The following SUSD5 variants were observed in gnomAD, a reference collection of about 807,000 sequenced individuals.
SUSD5 encodes the protein sushi domain-containing protein 5.
SUSD5 carries 33 observed loss-of-function variants against 29.5 expected under a neutral mutation model. The observed-to-expected ratio is 1.12, with a 90% confidence interval of 0.85 to 1.49. SUSD5 has a LOEUF of 1.49. Ranked by LOEUF, SUSD5 falls within the 40% of genes most tolerant of loss-of-function variation. The probability of loss-of-function intolerance (pLI) is 0.00; values close to 1 mark genes in which losing one functional copy is unlikely to be tolerated. For missense variants in SUSD5, 776 were observed against 800.6 expected, an observed-to-expected ratio of 0.97 and a Z score of 0.37; for synonymous variants, 308 against 325.3, an observed-to-expected ratio of 0.95 and a Z score of 0.57.
intron 4 of SUSD5, among the ~76,000 whole-genome samples, chr3:33,163,045 A>AC (rs1471052021): frequency 6.6e-6 from 1 of 151,990 alleles, no homozygotes; most frequent in African/African-American, 2.4e-5. Context: ...CATTAACAAA[A>AC]CTGAATCTCT....
At position 33,151,869 on chromosome 3, in the gene SUSD5, C is replaced by T. The variant is rs2030905344; in HGVS notation, c.*873G>A. 1 of 152,124 alleles carries T rather than the reference C, an allele frequency of 6.6e-6. No homozygotes were observed. The highest frequency in any genetic ancestry group is 2.4e-5 in the African/African-American group (1 of 41,408). The allele number at this position is 152,124 out of a possible 1,614,324, so 9.4% of individuals were successfully genotyped here. A position where few individuals can be genotyped will look rare whatever the true frequency, so the allele number is the denominator to read the frequency against. ...GTGTTTCTTCACTCCTCAACTCCCC[C>T]AACAAAATGTCAGTCTTAAATTCTA... On this transcript the variant is annotated 3_prime_UTR_variant, in exon 5 of 5. Coordinates refer to ENST00000309558, the MANE Select transcript of SUSD5 (RefSeq NM_015551.2).
intron 3 of SUSD5, among the ~76,000 whole-genome samples, chr3:33,203,653 C>T (rs979565439): frequency 1.5e-4 from 23 of 152,326 alleles, no homozygotes; most frequent in Admixed American, 6.5e-4. Flanking sequence ...ACTCAGCTCA[C>T]GCATGGGCAT....
intron 2 of SUSD5, among the ~76,000 whole-genome samples, chr3:33,213,258 T>C (rs1004672516): frequency 6.6e-6 from 1 of 151,846 alleles, no homozygotes; most frequent in African/African-American, 2.4e-5. Flanking sequence ...AAAAAAAAAT[T>C]AGCCAGGTGT....
At chr3:33,172,830 T>C (rs1439078737) in intron 4 of SUSD5, among the ~76,000 whole-genome samples, 1 of 152,256 alleles carries the variant, frequency 6.6e-6, no homozygotes, top group Non-Finnish European at 1.5e-5. Flanking sequence ...ATCTATTTTA[T>C]TTTATATTAA....
At chr3:33,210,452 T>G (rs2032302654) in intron 2 of SUSD5, among the ~76,000 whole-genome samples, 2 of 152,254 alleles carry the variant, frequency 1.3e-5, no homozygotes, top group Admixed American at 6.5e-5. Flanking sequence ...ATTCAGCTTT[T>G]TAGCCACACT....
intron 1 of SUSD5, among the ~76,000 whole-genome samples, chr3:33,214,359 G>A (rs767817741): frequency 3.2e-5 from 4 of 126,106 alleles, no homozygotes; most frequent in Non-Finnish European, 4.6e-5. Context: ...CTGGCATGTC[G>A]ATCTGGAAAA....
At chr3:33,155,047 T>C (rs775839699) in intron 4 of SUSD5, among the ~76,000 whole-genome samples, 20 of 152,234 alleles carry the variant, frequency 1.3e-4, no homozygotes, top group Non-Finnish European at 2.2e-4. Context: ...GCATTACCTT[T>C]TAAGGCTGTG....
At position 33,167,235 on chromosome 3, in the gene SUSD5, T is replaced by C. The variant is rs187034868; in HGVS notation, c.598+7651A>G. On this transcript the variant is annotated intron_variant, in intron 4 of 4. Coordinates refer to ENST00000309558, the MANE Select transcript of SUSD5 (RefSeq NM_015551.2). This position sits in a 1 kb window ranked among gnomAD's most constrained non-coding sequence, Gnocchi z 4.1. ...ATAAAACATAAAGTCAAAAGGCACC[T>C]GGAACACAGGCAGAAGATGAGTATG... 4.0e-5 allele frequency among the ~76,000 whole-genome samples: 6 copies of C among 151,880 alleles called. No individual in the cohort carries two copies. Among genetic ancestry groups the C allele is most frequent in the Non-Finnish European group, 8.8e-5 (6 of 67,976 alleles).
chr3:33,169,721 C>T (rs1331758541), intron 4 of SUSD5, among the ~76,000 whole-genome samples: 1 of 152,128 alleles, frequency 6.6e-6, no homozygotes, highest in Non-Finnish European at 1.5e-5. Context: ...AAGGGAAAAA[C>T]AAAAGCTGTA....
chr3:33,203,380 T>G (rs1250107109), intron 3 of SUSD5, among the ~76,000 whole-genome samples: 4 of 152,196 alleles, frequency 2.6e-5, no homozygotes, highest in African/African-American at 9.6e-5. Context: ...TCCTGCATCC[T>G]CTTCATGGCT....
intron 4 of SUSD5, among the ~76,000 whole-genome samples, chr3:33,163,793 C>T (rs927759947): frequency 1.3e-5 from 2 of 151,998 alleles, no homozygotes; most frequent in Non-Finnish European, 2.9e-5. Flanking sequence ...GTCAGGAGAT[C>T]GAGACCATCC....
chr3:33,204,628 T>TTTTGG lies in SUSD5; in HGVS notation c.409+3179_409+3180insCCAAA, dbSNP rs1046710618. On this transcript the variant is annotated intron_variant, in intron 3 of 4. Transcript: ENST00000309558. This position sits in a 1 kb window ranked among gnomAD's most constrained non-coding sequence, Gnocchi z 4.5. The stretch of plus-strand genomic sequence containing the variant: ...GAGCCACCACACCCGGCCTGTTTTA[T>TTTTGG]TTTGTTTTGTTTTGTTTTGTTTTGT... 8.9e-4 allele frequency among the ~76,000 whole-genome samples: 3 copies of TTTTGG among 3,388 alleles called. No homozygotes were observed. Among genetic ancestry groups the TTTTGG allele is most frequent in the African/African-American group, 3.0e-3 (3 of 990 alleles). 2.2% of individuals were successfully genotyped at this position (3,388 alleles called of 152,430 possible). A position where few individuals can be genotyped will look rare whatever the true frequency, so the allele number is the denominator to read the frequency against.
chr3:33,162,665 G>A (rs2031215565), intron 4 of SUSD5, among the ~76,000 whole-genome samples: 1 of 152,134 alleles, frequency 6.6e-6, no homozygotes, highest in South Asian at 2.1e-4. Context: ...TTATATCCAG[G>A]AAGCTGGCTG....
intron 1 of SUSD5, among the ~76,000 whole-genome samples, chr3:33,215,612 C>A (rs902492808): frequency 6.6e-6 from 1 of 151,906 alleles, no homozygotes; most frequent in South Asian, 2.1e-4. Context: ...AGTATTAATG[C>A]TTGTCCGAGA....
At chr3:33,160,478 C>T (rs1472180785) in intron 4 of SUSD5, among the ~76,000 whole-genome samples, 1 of 152,076 alleles carries the variant, frequency 6.6e-6, no homozygotes, top group African/African-American at 2.4e-5. Context: ...TCACTTGAGC[C>T]CAGGAGATTG....
chr3:33,192,360 TG>T (rs1409104280), intron 3 of SUSD5, among the ~76,000 whole-genome samples: 2 of 151,390 alleles, frequency 1.3e-5, no homozygotes, highest in Non-Finnish European at 2.9e-5. Flanking sequence ...CCCAAAGTGC[TG>T]GGATTACAGG....
At chr3:33,184,534 C>G (rs1428906354) in intron 3 of SUSD5, among the ~76,000 whole-genome samples, 1 of 152,102 alleles carries the variant, frequency 6.6e-6, no homozygotes, top group Non-Finnish European at 1.5e-5. Flanking sequence ...TCTTCCTTCT[C>G]CTTCTGATAC....
chr3:33,215,384 C>A (rs760812442), intron 1 of SUSD5, among the ~76,000 whole-genome samples: 27 of 151,990 alleles, frequency 1.8e-4, no homozygotes, highest in Non-Finnish European at 3.2e-4. Flanking sequence ...AGCTATAAAG[C>A]AAATCTAAAA....
At position 33,174,910 on chromosome 3, in the gene SUSD5, C is replaced by T. The variant is rs1559448394; in HGVS notation, c.574G>A (p.Gly192Ser). The T allele has an allele frequency of 1.9e-6, 3 of 1,614,004 alleles. No individual in the cohort carries two copies. The highest frequency in any genetic ancestry group is 1.1e-5 in the South Asian group (1 of 91,074). The part of the protein sequence containing the change: ...LLCNSCGEWY[G>S]LVQACGKDEA... ...CCTTTCCCACAGGCCTGCACCAGGC[C>T]GTACCACTCCCCACAGCTGTTACAT... Residue 192 changes from glycine to serine, a missense_variant, in exon 4 of 5, where the codon GGC becomes AGC. By Grantham distance (56) the Gly-to-Ser change is moderately conservative (BLOSUM62 0). Coordinates refer to ENST00000309558, the MANE Select transcript of SUSD5 (RefSeq NM_015551.2).
Sources: gnomAD v4.1 joint callset for allele counts (sites outside exome capture counted in the v4.1 genomes callset) on GRCh38, gnomAD v4.1.1 for gene constraint, Gnocchi (gnomAD v3.1) non-coding constraint, MANE v1.5 for transcripts, NCBI Gene and HGNC (gene_info 2026-07-23, HGNC 2026-07-21) for gene names.